Variants in HYDIN observed in about 807,000 individuals in gnomAD.
HYDIN encodes the protein HYDIN axonemal central pair apparatus protein, also known as axonemal central pair apparatus protein HYDIN.
In HYDIN, 132 loss-of-function variants were observed where a neutral mutation model predicts 403.9. The observed-to-expected ratio is 0.33, with a 90% CI of 0.28 to 0.38. HYDIN has a LOEUF of 0.38. Among genes scored for constraint, HYDIN ranks in the 10% least tolerant of loss-of-function variants. The pLI, the probability that HYDIN is intolerant of heterozygous loss-of-function variation, is 1.00. For missense variants in HYDIN, 2,827 were observed against 5,009.5 expected (o/e 0.56, Z 13.15); for synonymous variants, 1,202 against 1,891.7 (o/e 0.64, Z 9.46).
chr16:71,033,402 A>G (rs1479743826), intron 18 of HYDIN, among the ~76,000 whole-genome samples: 4 of 152,216 alleles, frequency 2.6e-5, no homozygotes, highest in Admixed American at 6.5e-5. Context: ...TTAATTGCCT[A>G]TATAAACAAT....
intron 47 of HYDIN, among the ~76,000 whole-genome samples, chr16:70,911,450 T>G (rs1256688313): frequency 6.9e-6 from 1 of 145,410 alleles, no homozygotes; most frequent in African/African-American, 2.6e-5. Flanking sequence ...CTGGGTTCTC[T>G]ATTCTGTTCC....
chr16:70,861,976 C>A (rs917477738), intron 69 of HYDIN, 72 bp downstream of exon 69: 49 of 1,403,804 alleles, frequency 3.5e-5, no homozygotes, highest in Non-Finnish European at 4.4e-5. Context: ...AGTGGTTGGA[C>A]AGAAAAGGGG....
At chr16:70,936,659 G>A (rs1347931932) in intron 44 of HYDIN, among the ~76,000 whole-genome samples, 14 of 151,410 alleles carry the variant, frequency 9.2e-5, no homozygotes, top group Admixed American at 9.2e-4. Flanking sequence ...TAAGCCTCCT[G>A]AGTAGCTAGG....
intron 5 of HYDIN, 108 bp downstream of exon 5, chr16:71,175,499 A>C: frequency 1.0e-6 from 1 of 983,426 alleles, no homozygotes; most frequent in Non-Finnish European, 1.5e-6. Flanking sequence ...CATCAATACC[A>C]CCACCACCAC....
rs959502147 is a variant in HYDIN, at chr16:71,218,693, C to A, written c.-24+11869G>T. On this transcript the variant is annotated intron_variant, in intron 1 of 85. Coordinates refer to ENST00000393567, the MANE Select transcript of HYDIN (RefSeq NM_001270974.2). ...CATGATTTGGCAACTGACAACCCAC[C>A]ATTTTTTACAGAATCTCATTCTGGT... is the stretch of plus-strand genomic sequence containing the variant. Among the ~76,000 whole-genome samples, 40 of 152,176 alleles carry A rather than the reference C, an allele frequency of 2.6e-4. 1 individual carries two copies. The highest frequency in any genetic ancestry group is 2.4e-3 in the Admixed American group (36 of 15,280).
rs564339141 is a variant in HYDIN, at chr16:71,129,642, G to C, written c.1225C>G (p.Leu409Val). ...TCAGCTTTTATTTATATGCTCACCA[G>C]GGGCTCCACAGTGAAAACGTTATTG... Reference protein sequence around the residue: ...FFNNVFTVEPLEGDVWPNSSA... With the variant: ...FFNNVFTVEPVEGDVWPNSSA... Residue 409 changes from leucine (L) to valine (V), a missense_variant and splice_region_variant, in exon 9 of 86, where the codon CTG becomes GTG. Transcript: ENST00000393567. The C allele has an allele frequency of 6.2e-7, 1 of 1,612,390 alleles. No individual in the cohort carries two copies. The highest frequency in any genetic ancestry group is 1.1e-5 in the South Asian group (1 of 90,756).
At position 70,902,821 on chromosome 16, in the gene HYDIN, A is replaced by ATATTTTTTTTTT; in HGVS notation, c.8849+803_8849+804insAAAAAAAAAATA. Among the ~76,000 whole-genome samples, 16 of 47,302 alleles carry ATATTTTTTTTTT rather than the reference A, an allele frequency of 3.4e-4. 1 individual carries two copies. In the Admixed American group the frequency reaches 3.8e-3, roughly 11 times the overall value. The allele number at this position is 47,302 out of a possible 152,430, so 31.0% of individuals were successfully genotyped here. A position where few individuals can be genotyped will look rare whatever the true frequency, so the allele number is the denominator to read the frequency against. On this transcript the variant is annotated intron_variant, in intron 52 of 85. Transcript: ENST00000393567. ...TATATATATATATATATATATATAT[A>ATATTTTTTTTTT]TTTTTTTTTTTTTTTTTGTCCCACT...
intron 58 of HYDIN, among the ~76,000 whole-genome samples, chr16:70,886,953 T>C (rs1452115230): frequency 6.6e-6 from 1 of 152,144 alleles, no homozygotes; most frequent in Non-Finnish European, 1.5e-5. Flanking sequence ...ATTTGAAAAG[T>C]TTTCTGTCAT....
chr16:70,944,024 G>C, intron 41 of HYDIN, 75 bp from the exon 42 acceptor site: 1 of 1,103,162 alleles, frequency 9.1e-7, no homozygotes, highest in Non-Finnish European at 1.3e-6. Context: ...ACCAGCCACA[G>C]GACCTTGGGA....
intron 53 of HYDIN, among the ~76,000 whole-genome samples, chr16:70,898,943 T>G (rs559698729): frequency 7.2e-5 from 11 of 152,282 alleles, no homozygotes; most frequent in African/African-American, 2.4e-4. Flanking sequence ...TAATTTTGTA[T>G]TTTTGTATTT....
intron 41 of HYDIN, among the ~76,000 whole-genome samples, chr16:70,947,881 C>T (rs1475802857): frequency 3.4e-5 from 5 of 149,028 alleles, no homozygotes; most frequent in Non-Finnish European, 7.5e-5. Flanking sequence ...GCCATACTGC[C>T]CAAGGTAATT....
At chr16:71,170,996 A>G (rs770914144) in intron 5 of HYDIN, among the ~76,000 whole-genome samples, 35 of 152,168 alleles carry the variant, frequency 2.3e-4, no homozygotes, top group Non-Finnish European at 5.0e-4. Flanking sequence ...CTTCCATAAT[A>G]AAAATATTTG....
At chr16:70,836,805 C>A (rs1433379713) in intron 77 of HYDIN, among the ~76,000 whole-genome samples, 3 of 152,224 alleles carry the variant, frequency 2.0e-5, no homozygotes, top group Non-Finnish European at 2.9e-5. Context: ...ATGTGTAAGT[C>A]ACTTGTGCAT....
intron 18 of HYDIN, among the ~76,000 whole-genome samples, chr16:71,050,601 T>C (rs1202585312): frequency 6.6e-6 from 1 of 151,918 alleles, no homozygotes; most frequent in Non-Finnish European, 1.5e-5. Flanking sequence ...ACTGTCTCCA[T>C]AGTTTTGCCT....
intron 45 of HYDIN, among the ~76,000 whole-genome samples, chr16:70,927,912 C>A (rs1378178450): frequency 1.3e-5 from 2 of 148,544 alleles, no homozygotes; most frequent in South Asian, 2.1e-4. Flanking sequence ...TTCGGACAAG[C>A]AAAACTTGAG....
intron 44 of HYDIN, among the ~76,000 whole-genome samples, chr16:70,938,023 G>C (rs1480651170): frequency 2.6e-5 from 4 of 152,244 alleles, no homozygotes; most frequent in Non-Finnish European, 5.9e-5. Context: ...GGCAGAGAAA[G>C]TGGCTGAGGG....
chr16:71,094,659 TAC>T (rs941078658), intron 10 of HYDIN, among the ~76,000 whole-genome samples: 2 of 152,308 alleles, frequency 1.3e-5, no homozygotes, highest in African/African-American at 2.4e-5. Flanking sequence ...CATTTTTACG[TAC>T]ACACACAATG....
intron 1 of HYDIN, among the ~76,000 whole-genome samples, chr16:71,192,742 C>T (rs975740293): frequency 2.0e-5 from 3 of 152,148 alleles, no homozygotes; most frequent in African/African-American, 4.8e-5. Flanking sequence ...TCTCCCTCAC[C>T]GGACTCTTAA....
At chr16:70,841,914 G>A (rs1334045516) in intron 75 of HYDIN, among the ~76,000 whole-genome samples, 2 of 149,978 alleles carry the variant, frequency 1.3e-5, no homozygotes, top group Non-Finnish European at 2.9e-5. Flanking sequence ...TTCTGTTATA[G>A]AAGCACAAAA....
Sources: allele counts gnomAD v4.1 joint callset (sites outside exome capture counted in the v4.1 genomes callset), GRCh38; gene constraint gnomAD v4.1.1; transcripts MANE v1.5; gene names NCBI Gene and HGNC (gene_info 2026-07-23, HGNC 2026-07-21).